The following AQR variants were observed in gnomAD, a reference collection of about 807,000 sequenced individuals.
AQR encodes the protein RNA helicase aquarius.
A neutral mutation model predicts 180.5 loss-of-function variants in AQR; 61 were observed. The ratio of observed to expected loss-of-function variants is 0.34; its 90% CI spans 0.28 to 0.42. AQR has a LOEUF of 0.42. Among genes scored for constraint, AQR ranks in the 10% least tolerant of loss-of-function variants. The pLI, the probability that AQR is intolerant of heterozygous loss-of-function variation, is 1.00. For synonymous variants in AQR, 551 were observed against 588.8 expected (o/e 0.94, Z 0.93); for missense variants, 1,281 against 1,798.3 (o/e 0.71, Z 5.20).
At chr15:34,866,298 C>G (rs1892737387) in intron 32 of AQR, among the ~76,000 whole-genome samples, 1 of 151,234 alleles carries the variant, frequency 6.6e-6, no homozygotes, top group South Asian at 2.1e-4. Flanking sequence ...CAACCACCAC[C>G]AACACTATCC....
At chr15:34,944,108 A>AT (rs1347263177) in intron 6 of AQR, among the ~76,000 whole-genome samples, 180 bp downstream of exon 6, 2 of 152,248 alleles carry the variant, frequency 1.3e-5, no homozygotes, top group Non-Finnish European at 2.9e-5. Context: ...TTATAAAAAC[A>AT]TATCTTAAAG....
chr15:34,939,351 G>C (rs116943361), intron 8 of AQR, among the ~76,000 whole-genome samples: 3,782 of 152,306 alleles, frequency 0.025, 70 homozygotes, highest in Middle Eastern at 0.071. Context: ...ACAGGCATGA[G>C]CCATGGCGCC....
chr15:34,921,796 C>T (rs1417944714), intron 13 of AQR, among the ~76,000 whole-genome samples: 1 of 152,066 alleles, frequency 6.6e-6, no homozygotes, highest in African/African-American at 2.4e-5. Context: ...AATGGAATCA[C>T]ACATTAGGTA....
intron 31 of AQR, chr15:34,870,158 A>G (rs960683879): frequency 4.4e-5 from 6 of 137,574 alleles, no homozygotes; most frequent in African/African-American, 1.5e-4. Context: ...TCTTTTTCTC[A>G]TTTTCCTGTT....
intron 24 of AQR, among the ~76,000 whole-genome samples, chr15:34,887,359 G>A (rs139929342): frequency 1.1e-3 from 175 of 152,220 alleles, no homozygotes; most frequent in Non-Finnish European, 2.2e-3. Context: ...TTCACAAACT[G>A]GCTGCTTCAA....
chr15:34,959,771 A>G (rs937335900), intron 3 of AQR, among the ~76,000 whole-genome samples: 1 of 152,200 alleles, frequency 6.6e-6, no homozygotes, highest in East Asian at 1.9e-4. Flanking sequence ...CTTTCCACAC[A>G]AGCCAAATCT....
intron 24 of AQR, among the ~76,000 whole-genome samples, chr15:34,887,559 C>G (rs977570992): frequency 1.4e-4 from 21 of 152,204 alleles, no homozygotes; most frequent in Non-Finnish European, 2.8e-4. Context: ...TGTCCGAAAA[C>G]ACACAGTTAG....
At chr15:34,956,066 G>C (rs1354200661) in intron 3 of AQR, among the ~76,000 whole-genome samples, 1 of 152,034 alleles carries the variant, frequency 6.6e-6, no homozygotes, top group Non-Finnish European at 1.5e-5. Flanking sequence ...AGAGCTTCTG[G>C]AACACCGACA....
intron 11 of AQR, among the ~76,000 whole-genome samples, chr15:34,931,615 T>C (rs545763205): frequency 6.6e-6 from 1 of 152,166 alleles, no homozygotes; most frequent in Non-Finnish European, 1.5e-5. Context: ...TGAGGCCACC[T>C]GGGCAACATG....
At chr15:34,951,972 C>T (rs527596961) in intron 4 of AQR, among the ~76,000 whole-genome samples, 1 of 152,296 alleles carries the variant, frequency 6.6e-6, no homozygotes, top group South Asian at 2.1e-4. Context: ...AATAATAATA[C>T]AGTCCTTAGG....
chr15:34,906,029 G>A lies in AQR; in HGVS notation c.1831+516C>T, dbSNP rs186179890. On this transcript the variant is annotated intron_variant, in intron 18 of 34. Coordinates refer to ENST00000156471, the MANE Select transcript of AQR (RefSeq NM_014691.3). The stretch of plus-strand genomic sequence containing the variant: ...AGCCTGGTTGACAGAGCAAAACTCC[G>A]TCTTGGGGGGAAAAAAAGAAAAAGA... Among the ~76,000 whole-genome samples, 964 of 151,556 alleles carry A rather than the reference G, an allele frequency of 6.4e-3. 11 individuals are homozygous for A. The highest frequency in any genetic ancestry group is 0.032 in the South Asian group (153 of 4,772).
chr15:34,933,952 C>T (rs1893904721), intron 10 of AQR, among the ~76,000 whole-genome samples: 1 of 152,078 alleles, frequency 6.6e-6, no homozygotes, highest in African/African-American at 2.4e-5. Context: ...GAAACCCCGT[C>T]TCTACAAAAA....
At chr15:34,857,765 G>T (rs192710799) in intron 34 of AQR, among the ~76,000 whole-genome samples, 318 of 151,052 alleles carry the variant, frequency 2.1e-3, no homozygotes, top group African/African-American at 7.6e-3. Flanking sequence ...AAAAGAAAAA[G>T]AAAAGAAAAA....
intron 3 of AQR, among the ~76,000 whole-genome samples, chr15:34,959,621 T>A (rs1282229627): frequency 6.6e-6 from 1 of 152,232 alleles, no homozygotes; most frequent in Non-Finnish European, 1.5e-5. Context: ...CAAAAGTCAG[T>A]AATGGCATCA....
chr15:34,897,291 GAAGT>G (rs1269352358), intron 21 of AQR, among the ~76,000 whole-genome samples: 5 of 152,168 alleles, frequency 3.3e-5, no homozygotes, highest in Admixed American at 2.0e-4. Context: ...ACAGGCTCAT[GAAGT>G]AAGAACCCTT....
At position 34,969,495 on chromosome 15, in the gene AQR, G is replaced by A. The variant is rs1223770290; in HGVS notation, c.75+44C>T. The A allele has an allele frequency of 3.1e-6, 5 of 1,608,532 alleles. No homozygotes were observed. In the African/African-American group the frequency reaches 6.7e-5, roughly 22 times the overall value. On this transcript the variant is annotated intron_variant, in intron 1 of 34. Coordinates refer to ENST00000156471, the MANE Select transcript of AQR (RefSeq NM_014691.3). ...CCCCACCACCAGGCCTCGGGGCCACGACGTCCATACCCACTCACACACACC... is the reference window on the plus strand; with the variant it reads ...CCCCACCACCAGGCCTCGGGGCCACAACGTCCATACCCACTCACACACACC...
chr15:34,887,315 T>C (rs1893077587), intron 24 of AQR, among the ~76,000 whole-genome samples: 1 of 152,196 alleles, frequency 6.6e-6, no homozygotes, highest in African/African-American at 2.4e-5. Context: ...ATTCTGGTGC[T>C]AGTTCATTTC....
At chr15:34,930,818 CTTTTTTTTTTTTTTTTTTT>C (rs77229498) in intron 11 of AQR, among the ~76,000 whole-genome samples, 1 of 84,762 alleles carries the variant, frequency 1.2e-5, no homozygotes, top group African/African-American at 5.0e-5. Flanking sequence ...TACGCCACTT[CTTTTTTTTTTTTTTTTTTT>C]TTTTTTTTTT....
rs889228465 is a variant in AQR, at chr15:34,855,355, T to C, written c.*1437A>G. On this transcript the variant is annotated 3_prime_UTR_variant, in exon 35 of 35. Transcript: ENST00000156471. Reference sequence around the variant, plus strand: ...GGATTTCAATGGTAGTGTGCAGTTCTTGCTTGTTTCTTCAAAGATTCCTTG... The same window carrying C: ...GGATTTCAATGGTAGTGTGCAGTTCCTGCTTGTTTCTTCAAAGATTCCTTG... The C allele has an allele frequency of 1.3e-5, 2 of 152,242 alleles. No homozygotes were observed. Among genetic ancestry groups the C allele is most frequent in the East Asian group, 3.9e-4 (2 of 5,188 alleles). The allele number at this position is 152,242 out of a possible 1,614,324, so 9.4% of individuals were successfully genotyped here. A position where few individuals can be genotyped will look rare whatever the true frequency, so the allele number is the denominator to read the frequency against.
Sources: allele counts gnomAD v4.1 joint callset (sites outside exome capture counted in the v4.1 genomes callset), GRCh38; gene constraint gnomAD v4.1.1; transcripts MANE v1.5; gene names NCBI Gene and HGNC (gene_info 2026-07-23, HGNC 2026-07-21).